The following NYAP2 variants were observed in gnomAD, a reference collection of about 807,000 sequenced individuals.
The protein encoded by NYAP2 is neuronal tyrosine-phosphorylated phosphoinositide-3-kinase adaptor 2.
A neutral mutation model predicts 50.4 loss-of-function variants in NYAP2; 23 were observed. The ratio of observed to expected loss-of-function variants is 0.46; its 90% CI spans 0.33 to 0.65. NYAP2 has a LOEUF of 0.65. NYAP2 is among the 30% of genes least tolerant of loss of function. The pLI is 0.02. For missense variants in NYAP2, 885 were observed against 861.0 expected, an observed-to-expected ratio of 1.03 and a Z score of -0.35; for synonymous variants, 394 against 365.2, an observed-to-expected ratio of 1.08 and a Z score of -0.90.
intron 3 of NYAP2, among the ~76,000 whole-genome samples, chr2:225,484,702 G>T (rs1464496395): frequency 1.3e-5 from 2 of 152,212 alleles, no homozygotes; most frequent in East Asian, 3.8e-4. Flanking sequence ...CTTGGAGAAT[G>T]AGAAATAGAG....
chr2:225,511,859 G>A (rs755745437), intron 3 of NYAP2, among the ~76,000 whole-genome samples: 1 of 152,166 alleles, frequency 6.6e-6, no homozygotes, highest in Non-Finnish European at 1.5e-5. Flanking sequence ...GCCAAAATTA[G>A]TTTTACTAAA....
intron 4 of NYAP2, 76 bp downstream of exon 4, chr2:225,513,748 G>C: frequency 8.2e-7 from 1 of 1,217,162 alleles, no homozygotes; most frequent in Non-Finnish European, 1.1e-6. Context: ...CCAGGGGCAA[G>C]TGCCTTCTTC....
chr2:225,423,729 CA>C (rs1208946020), intron 3 of NYAP2, among the ~76,000 whole-genome samples: 1 of 152,114 alleles, frequency 6.6e-6, no homozygotes, highest in African/African-American at 2.4e-5. Flanking sequence ...TCATAATGCT[CA>C]ACCTGATACA....
chr2:225,645,809 G>A (rs1559239238), intron 6 of NYAP2, among the ~76,000 whole-genome samples: 1 of 152,174 alleles, frequency 6.6e-6, no homozygotes, highest in Admixed American at 6.5e-5. Context: ...TTATTGTCCA[G>A]TGTCATGACT....
chr2:225,402,863 A>G (rs1250699667), intron 2 of NYAP2, among the ~76,000 whole-genome samples: 1 of 151,830 alleles, frequency 6.6e-6, no homozygotes, highest in Admixed American at 6.6e-5. Flanking sequence ...ACAAATTATA[A>G]GATTTTATCA....
chr2:225,418,905 T>A (rs992319339), intron 3 of NYAP2, among the ~76,000 whole-genome samples: 5 of 152,220 alleles, frequency 3.3e-5, no homozygotes, highest in African/African-American at 1.2e-4. Flanking sequence ...ACATCACACA[T>A]GAGATCTATT....
chr2:225,453,686 G>A (rs926945017), intron 3 of NYAP2, among the ~76,000 whole-genome samples: 3 of 151,966 alleles, frequency 2.0e-5, no homozygotes, highest in Non-Finnish European at 4.4e-5. Context: ...TTGAGATGGA[G>A]TCTTACTCTG....
At chr2:225,408,933 C>T (rs1694985128) in exon 3 of NYAP2, 2 of 1,611,932 alleles carry the variant, frequency 1.2e-6, no homozygotes, top group African/African-American at 1.3e-5. Context: ...CCTTTGGACA[C>T]ATTTCTCCAG....
At position 225,445,121 on chromosome 2, in the gene NYAP2, A is replaced by ACATGT. The variant is rs531155867; in HGVS notation, c.221+36021_221+36025dup. Among the ~76,000 whole-genome samples, 20 of 152,286 alleles carry ACATGT rather than the reference A, an allele frequency of 1.3e-4. No homozygotes were observed. In the East Asian group the frequency reaches 3.7e-3, roughly 28 times the overall value. On this transcript the variant is annotated intron_variant, in intron 3 of 6. Coordinates refer to ENST00000636099, the Ensembl canonical transcript of NYAP2. ...CATTTTCTGTGGCGAAACATTAAAA[A>ACATGT]CATGTTTGGGTTACTCATATAATCA...
At chr2:225,678,774 G>T in the NYAP2 span, among the ~76,000 whole-genome samples, 1 of 152,166 alleles carries the variant, frequency 6.6e-6, no homozygotes, top group Non-Finnish European at 1.5e-5. Flanking sequence ...TGCCCATGAA[G>T]CAGTGAGAAT....
At position 225,513,681 on chromosome 2, in the gene NYAP2, C is replaced by T. The variant is rs367544728; in HGVS notation, c.523+9C>T. 2.7e-4 allele frequency: 405 copies of T among 1,492,158 alleles called. 1 individual carries two copies. The highest frequency in any genetic ancestry group is 5.4e-4 in the Middle Eastern group (3 of 5,532). The allele number at this position is 1,492,158 out of a possible 1,614,324, so 92.4% of individuals were successfully genotyped here. A position where few individuals can be genotyped will look rare whatever the true frequency, so the allele number is the denominator to read the frequency against. On this transcript the variant is annotated intron_variant, in intron 4 of 6. Coordinates refer to ENST00000636099, the Ensembl canonical transcript of NYAP2. ...CCCTGAGAGGACTGAAGGTAAAACACGCCATGTCCATGTCACCTAGAAATC... is the reference window on the plus strand; with the variant it reads ...CCCTGAGAGGACTGAAGGTAAAACATGCCATGTCCATGTCACCTAGAAATC...
chr2:225,452,541 G>T (rs1453565273), intron 3 of NYAP2, among the ~76,000 whole-genome samples: 1 of 151,968 alleles, frequency 6.6e-6, no homozygotes, highest in African/African-American at 2.4e-5. Context: ...CTTCACATAG[G>T]TCTCAGTCTT....
At chr2:225,521,981 A>C (rs1218631535) in intron 4 of NYAP2, among the ~76,000 whole-genome samples, 4 of 151,874 alleles carry the variant, frequency 2.6e-5, no homozygotes, top group Non-Finnish European at 5.9e-5. Flanking sequence ...AGAGATTCAA[A>C]TTCTTCCTGG....
chr2:225,593,133 G>A (rs1185346124), intron 5 of NYAP2, among the ~76,000 whole-genome samples: 2 of 152,110 alleles, frequency 1.3e-5, no homozygotes, highest in East Asian at 3.9e-4. Context: ...GTATAAGTGA[G>A]TTCCTACTGG....
At chr2:225,563,892 G>A (rs923571724) in intron 4 of NYAP2, among the ~76,000 whole-genome samples, 2 of 151,972 alleles carry the variant, frequency 1.3e-5, no homozygotes, top group Non-Finnish European at 1.5e-5. Flanking sequence ...AGATGTTTAA[G>A]GTATGACTTG....
At chr2:225,687,391 T>C in the NYAP2 span, among the ~76,000 whole-genome samples, 1 of 152,184 alleles carries the variant, frequency 6.6e-6, no homozygotes, top group African/African-American at 2.4e-5. Context: ...AGTCACAAGA[T>C]AGAAGGTGCA....
intron 4 of NYAP2, among the ~76,000 whole-genome samples, chr2:225,548,767 A>C (rs7586576): frequency 0.61 from 93,430 of 152,102 alleles, 30,985 homozygotes; most frequent in South Asian, 0.85. Context: ...TTCAAACCTA[A>C]TAACTTTTCA....
chr2:225,547,505 G>T (rs1691605330), intron 4 of NYAP2, among the ~76,000 whole-genome samples: 1 of 152,220 alleles, frequency 6.6e-6, no homozygotes, highest in Non-Finnish European at 1.5e-5. Flanking sequence ...TTCTGGGATG[G>T]ATGATTCCCT....
intron 6 of NYAP2, among the ~76,000 whole-genome samples, 180 bp downstream of exon 6, chr2:225,627,306 G>C (rs899057882): frequency 3.3e-5 from 5 of 152,316 alleles, no homozygotes; most frequent in South Asian, 4.1e-4. Context: ...ACTGCTCAAA[G>C]GTACAACTAT....
Sources: gnomAD v4.1 joint callset for allele counts (sites outside exome capture counted in the v4.1 genomes callset) on GRCh38, gnomAD v4.1.1 for gene constraint, MANE v1.5 for transcripts, NCBI Gene and HGNC (gene_info 2026-07-23, HGNC 2026-07-21) for gene names.